Variants in GFRAL observed in about 807,000 individuals in gnomAD.
The protein encoded by GFRAL is GDNF family receptor alpha-like.
GFRAL carries 36 observed loss-of-function variants against 45.4 expected under a neutral mutation model. The ratio of observed to expected loss-of-function variants is 0.79; its 90% CI spans 0.61 to 1.05. The LOEUF is 1.05. Among genes scored for constraint, GFRAL ranks in the 50% least tolerant of loss-of-function variants. GFRAL has a pLI of 0.00. For missense variants in GFRAL, 507 were observed against 467.5 expected (o/e 1.08, Z -0.78); for synonymous variants, 166 against 154.1 (o/e 1.08, Z -0.57).
At chr6:55,363,807 T>C (rs2127358585) in intron 6 of GFRAL, among the ~76,000 whole-genome samples, 1 of 151,810 alleles carries the variant, frequency 6.6e-6, no homozygotes, top group Non-Finnish European at 1.5e-5. Context: ...ATGGTGCATA[T>C]GTGCCACATT....
chr6:55,341,317 A>G (rs538170361), intron 3 of GFRAL, among the ~76,000 whole-genome samples: 18 of 152,180 alleles, frequency 1.2e-4, no homozygotes, highest in Non-Finnish European at 1.9e-4. Flanking sequence ...TACCCCTGTG[A>G]GACGAAGCTT....
chr6:55,364,362 C>T lies in GFRAL; in HGVS notation c.952+5224C>T, dbSNP rs561442424. Among the ~76,000 whole-genome samples, 700 of 149,586 alleles carry T rather than the reference C, an allele frequency of 4.7e-3. 11 individuals are homozygous for T. Among genetic ancestry groups the T allele is most frequent in the African/African-American group, 0.017 (671 of 39,964 alleles). On this transcript the variant is annotated intron_variant, in intron 6 of 8. Transcript: ENST00000340465. ...AGCCCTTTGTCGGATGAGTAGGTTG[C>T]GAAAATTTTCTCCCATTTTGTAGGT...
At position 55,393,671 on chromosome 6, in the gene GFRAL, G is replaced by A. The variant is rs192281573; in HGVS notation, c.953-5509G>A. On this transcript the variant is annotated intron_variant, in intron 6 of 8. Transcript: ENST00000340465. Reference sequence around the variant, plus strand: ...AGAGGAAGGAAGGAAAAGAGGCAAGGGGGGAGGAAAGAAGCCTCTTGGTGG... The same window carrying A: ...AGAGGAAGGAAGGAAAAGAGGCAAGAGGGGAGGAAAGAAGCCTCTTGGTGG... Among the ~76,000 whole-genome samples, 930 of 152,168 alleles carry A rather than the reference G, an allele frequency of 6.1e-3. 11 individuals are homozygous for A. The highest frequency in any genetic ancestry group is 0.02 in the African/African-American group (814 of 41,522).
At chr6:55,334,800 G>A (rs1237838153) in intron 3 of GFRAL, among the ~76,000 whole-genome samples, 2 of 152,186 alleles carry the variant, frequency 1.3e-5, no homozygotes, top group African/African-American at 2.4e-5. Flanking sequence ...ACATGTAGCC[G>A]TTTTAATTCA....
At chr6:55,376,286 C>T (rs1023422766) in intron 6 of GFRAL, among the ~76,000 whole-genome samples, 29 of 151,968 alleles carry the variant, frequency 1.9e-4, no homozygotes, top group African/African-American at 5.8e-4. Context: ...ATTTTTGCAT[C>T]GATGTTCATC....
chr6:55,388,308 G>A (rs1012229543), intron 6 of GFRAL, among the ~76,000 whole-genome samples: 1 of 152,120 alleles, frequency 6.6e-6, no homozygotes, highest in Non-Finnish European at 1.5e-5. Context: ...GAGTGAAGGC[G>A]ATCTGAAACA....
At chr6:55,353,654 G>C (rs1768149238) in intron 5 of GFRAL, among the ~76,000 whole-genome samples, 1 of 152,000 alleles carries the variant, frequency 6.6e-6, no homozygotes, top group Non-Finnish European at 1.5e-5. Flanking sequence ...CCTTATTAGA[G>C]AAATACTACA....
At chr6:55,372,418 A>T (rs949912924) in intron 6 of GFRAL, among the ~76,000 whole-genome samples, 1 of 152,158 alleles carries the variant, frequency 6.6e-6, no homozygotes, top group South Asian at 2.1e-4. Flanking sequence ...TGAGATTGTG[A>T]TATAACAAAT....
rs1367845179 is a variant in GFRAL at position 55,384,918 on chromosome 6, C to T, written c.953-14262C>T. Among the ~76,000 whole-genome samples the T allele has an allele frequency of 2.6e-5, 4 of 151,064 alleles. 1 individual carries two copies. The highest frequency in any genetic ancestry group is 9.7e-5 in the African/African-American group (4 of 41,134). On this transcript the variant is annotated intron_variant, in intron 6 of 8. Coordinates refer to ENST00000340465, the MANE Select transcript of GFRAL (RefSeq NM_207410.2). Reference sequence around the variant, plus strand: ...ACGGAGTTAGCCTATGAGGAATGCTCCAACCTTGCTGATGGTATACTTGGG... The same window carrying T: ...ACGGAGTTAGCCTATGAGGAATGCTTCAACCTTGCTGATGGTATACTTGGG...
intron 1 of GFRAL, among the ~76,000 whole-genome samples, chr6:55,328,228 T>C (rs1767789601): frequency 6.6e-6 from 1 of 151,986 alleles, no homozygotes; most frequent in African/African-American, 2.4e-5. Flanking sequence ...GTAGAATCCA[T>C]GAATCTATTT....
At chr6:55,347,098 G>A (rs544193023) in intron 3 of GFRAL, among the ~76,000 whole-genome samples, 23 of 152,040 alleles carry the variant, frequency 1.5e-4, no homozygotes, top group South Asian at 1.2e-3. Context: ...AAGAAAGGAC[G>A]AAAAGACAAT....
intron 6 of GFRAL, among the ~76,000 whole-genome samples, chr6:55,381,128 C>T (rs1257959731): frequency 2.0e-5 from 3 of 151,926 alleles, no homozygotes; most frequent in African/African-American, 4.8e-5. Flanking sequence ...TTGATCCTAA[C>T]ACATTTTTGC....
At chr6:55,379,278 A>G (rs919448711) in intron 6 of GFRAL, among the ~76,000 whole-genome samples, 15 of 151,786 alleles carry the variant, frequency 9.9e-5, no homozygotes, top group Non-Finnish European at 2.1e-4. Context: ...TAAGCCCAGT[A>G]CCCAAGAGTT....
At chr6:55,368,442 C>T (rs1481894483) in intron 6 of GFRAL, among the ~76,000 whole-genome samples, 3 of 152,102 alleles carry the variant, frequency 2.0e-5, no homozygotes, top group Non-Finnish European at 4.4e-5. Flanking sequence ...TCTCTCAGCT[C>T]GTCAAAGTCA....
intron 6 of GFRAL, among the ~76,000 whole-genome samples, chr6:55,376,069 C>T (rs181913669): frequency 3.9e-5 from 6 of 151,978 alleles, no homozygotes; most frequent in Middle Eastern, 3.4e-3. Context: ...TAACATGAAG[C>T]GATGTTGCAT....
chr6:55,342,413 C>A (rs1313685707), intron 3 of GFRAL, among the ~76,000 whole-genome samples: 3 of 151,988 alleles, frequency 2.0e-5, no homozygotes, highest in Non-Finnish European at 4.4e-5. Flanking sequence ...AATTTCATAT[C>A]CAGCCAAACT....
In GFRAL at chr6:55,351,268, G is replaced by T. The variant is rs770299137; in HGVS notation, c.386G>T (p.Trp129Leu). The T allele has an allele frequency of 6.3e-7, 1 of 1,594,726 alleles. No individual in the cohort carries two copies. The highest frequency in any genetic ancestry group is 8.6e-7 in the Non-Finnish European group (1 of 1,167,338). The change falls in exon 5 of 9, where the codon TGG becomes TTG. Residue 129 changes from tryptophan (W) to leucine (L), a missense_variant. By Grantham distance (61) the Trp-to-Leu change is moderately conservative. Coordinates refer to ENST00000340465, the MANE Select transcript of GFRAL (RefSeq NM_207410.2). ...TTGCTTTCAGGATTCAAAGGGATGT[G>T]GTCCTGTTTGGAAGTGGCAGAGGCA... is the stretch of plus-strand genomic sequence containing the variant. The part of the protein sequence containing the change: ...TRSHHGFKGM[W>L]SCLEVAEACV...
chr6:55,376,042 A>G (rs779601055), intron 6 of GFRAL, among the ~76,000 whole-genome samples: 18 of 152,056 alleles, frequency 1.2e-4, no homozygotes, highest in Non-Finnish European at 2.6e-4. Flanking sequence ...TTCAATAACT[A>G]GTTTATTGAG....
In GFRAL at chr6:55,379,379, C is replaced by A. The variant is rs541788980; in HGVS notation, c.953-19801C>A. On this transcript the variant is annotated intron_variant, in intron 6 of 8. Coordinates refer to ENST00000340465, the MANE Select transcript of GFRAL (RefSeq NM_207410.2). ...CTTCTTTAACACTCTGCCTTTAAAA[C>A]CATTATGTTGATTTGGATTAAGAAT... Among the ~76,000 whole-genome samples the A allele has an allele frequency of 2.2e-4, 34 of 151,932 alleles. 1 individual carries two copies. In the South Asian group the frequency reaches 6.8e-3, roughly 31 times the overall value.
Sources: allele counts gnomAD v4.1 joint callset (sites outside exome capture counted in the v4.1 genomes callset), GRCh38; gene constraint gnomAD v4.1.1; transcripts MANE v1.5; gene names NCBI Gene and HGNC (gene_info 2026-07-23, HGNC 2026-07-21).